Variants in HDAC8 observed in about 807,000 individuals in gnomAD.
HDAC8 encodes histone deacetylase-like 1.
HDAC8 carries 1 observed loss-of-function variant against 32.2 expected under a neutral mutation model. The ratio of observed to expected loss-of-function variants is 0.03; its 90% CI spans 0.01 to 0.15. The LOEUF is 0.15. HDAC8 is among the 10% of genes least tolerant of loss of function. The pLI is 1.00. For missense variants in HDAC8, 117 were observed against 300.0 expected, an observed-to-expected ratio of 0.39 and a Z score of 4.51; for synonymous variants, 108 against 113.9, an observed-to-expected ratio of 0.95 and a Z score of 0.33.
At chrX:72,425,213 T>C (rs1218132873) in intron 9 of HDAC8, among the ~76,000 whole-genome samples, 1 of 112,368 alleles carries the variant, frequency 8.9e-6, no homozygotes, top group Non-Finnish European at 1.9e-5. Flanking sequence ...CAACACTTTT[T>C]ATTTTCCATT....
intron 10 of HDAC8, among the ~76,000 whole-genome samples, chrX:72,337,599 C>G (rs2043740045): frequency 1.8e-5 from 2 of 111,136 alleles, no homozygotes; most frequent in Non-Finnish European, 1.9e-5. Context: ...CCAAACTATT[C>G]TTACCCTTTA....
intron 9 of HDAC8, among the ~76,000 whole-genome samples, chrX:72,355,871 A>G (rs1351271807): frequency 8.9e-6 from 1 of 112,379 alleles, no homozygotes. Flanking sequence ...TTTAGTAAGT[A>G]TCTACTATGT....
At chrX:72,375,509 A>C (rs782114650) in intron 9 of HDAC8, among the ~76,000 whole-genome samples, 3 of 109,317 alleles carry the variant, frequency 2.7e-5, no homozygotes, top group South Asian at 4.1e-4. Flanking sequence ...TGATGGTGTA[A>C]ATCTCAGTCC....
intron 9 of HDAC8, among the ~76,000 whole-genome samples, chrX:72,449,668 G>A (rs182381799): frequency 5.4e-5 from 6 of 110,305 alleles, no homozygotes; most frequent in African/African-American, 1.6e-4. Context: ...AAAGTAAATC[G>A]CCTAAACACA....
chrX:72,390,154 TTCA>T (rs781932576), intron 9 of HDAC8, among the ~76,000 whole-genome samples: 93 of 111,613 alleles, frequency 8.3e-4, no homozygotes, highest in Non-Finnish European at 1.6e-3. Context: ...ACCTCAAACA[TTCA>T]TCATGTCTTT....
At chrX:72,472,075 T>A (rs1407910302) in intron 7 of HDAC8, among the ~76,000 whole-genome samples, 1 of 107,102 alleles carries the variant, frequency 9.3e-6, no homozygotes, top group Non-Finnish European at 2.0e-5. Context: ...TTTATTTATT[T>A]TTTTTTTTTT....
Position 72,527,647 on chromosome X carries a change from G to A in HDAC8, c.438-32379C>T, listed in dbSNP as rs147505585. On this transcript the variant is annotated intron_variant, in intron 4 of 10. Transcript: ENST00000373573. ...CTGATCTATTTGCCTGGCATACTCT[G>A]TCTGGTAATATCCTAGGTCACTATT... 3.7e-4 allele frequency among the ~76,000 whole-genome samples: 41 copies of A among 111,121 alleles called. No homozygotes were observed. In the East Asian group the frequency reaches 7.6e-3, roughly 21 times the overall value.
At chrX:72,330,802 C>T (rs2043496092) in intron 10 of HDAC8, 1 of 111,189 alleles carries the variant, frequency 9.0e-6, no homozygotes, top group African/African-American at 3.3e-5. Flanking sequence ...GAGGGCAGGG[C>T]CTGGCTGTCT....
intron 4 of HDAC8, among the ~76,000 whole-genome samples, chrX:72,525,813 CA>C (rs57801277): frequency 9.3e-5 from 2 of 21,555 alleles, no homozygotes; most frequent in African/African-American, 1.5e-4. Context: ...GACTCTGTCT[CA>C]AAAAAAAAAA....
intron 7 of HDAC8, among the ~76,000 whole-genome samples, chrX:72,470,322 T>A (rs1352801139): frequency 9.0e-6 from 1 of 111,593 alleles, no homozygotes; most frequent in Non-Finnish European, 1.9e-5. Context: ...AGATCAAACT[T>A]TTTCTGTCTC....
intron 4 of HDAC8, among the ~76,000 whole-genome samples, chrX:72,524,136 A>C (rs1228538335): frequency 1.8e-5 from 2 of 112,484 alleles, no homozygotes; most frequent in Non-Finnish European, 3.8e-5. Context: ...GTGAAGTCTA[A>C]AATACTAGCT....
chrX:72,437,349 C>T (rs2046981484), intron 9 of HDAC8, among the ~76,000 whole-genome samples: 1 of 111,968 alleles, frequency 8.9e-6, no homozygotes, highest in South Asian at 3.8e-4. Context: ...ACCCACAGAC[C>T]AGGAGATTCC....
intron 5 of HDAC8, among the ~76,000 whole-genome samples, chrX:72,494,354 G>A (rs1439337724): frequency 9.2e-6 from 1 of 108,649 alleles, no homozygotes; most frequent in Non-Finnish European, 1.9e-5. Flanking sequence ...CCTTGATTAT[G>A]TTAGTTTGTC....
chrX:72,363,599 T>C (rs1191528524), intron 9 of HDAC8, among the ~76,000 whole-genome samples: 1 of 109,861 alleles, frequency 9.1e-6, no homozygotes, highest in Non-Finnish European at 1.9e-5. Context: ...TGAGATGGAG[T>C]CTTACTCTGT....
intron 4 of HDAC8, among the ~76,000 whole-genome samples, chrX:72,565,053 T>C (rs1314889102): frequency 1.8e-5 from 2 of 112,178 alleles, no homozygotes; most frequent in African/African-American, 6.5e-5. Context: ...AAAGGGGTTG[T>C]ATTAATTTCA....
At chrX:72,374,191 G>A (rs1160495360) in intron 9 of HDAC8, among the ~76,000 whole-genome samples, 5 of 111,237 alleles carry the variant, frequency 4.5e-5, no homozygotes, top group Non-Finnish European at 9.4e-5. Context: ...AACTACAGGT[G>A]CACACCAACA....
intron 9 of HDAC8, among the ~76,000 whole-genome samples, chrX:72,376,665 C>T (rs958749610): frequency 9.0e-6 from 1 of 111,532 alleles, no homozygotes; most frequent in African/African-American, 3.3e-5. Context: ...GTGATCCACC[C>T]GCCTTGGCCT....
chrX:72,515,043 C>G (rs2049743659), intron 4 of HDAC8, among the ~76,000 whole-genome samples: 1 of 111,323 alleles, frequency 9.0e-6, no homozygotes, highest in Non-Finnish European at 1.9e-5. Context: ...AGATAGTTAC[C>G]ACTTTTTGTG....
At chrX:72,333,795 C>T (rs2043603480) in intron 10 of HDAC8, among the ~76,000 whole-genome samples, 1 of 111,323 alleles carries the variant, frequency 9.0e-6, no homozygotes, top group African/African-American at 3.3e-5. Flanking sequence ...TTCCTGTTTC[C>T]ACACCTTCGC....
Sources: allele counts gnomAD v4.1 joint callset (sites outside exome capture counted in the v4.1 genomes callset), GRCh38; gene constraint gnomAD v4.1.1; transcripts MANE v1.5; gene names NCBI Gene and HGNC (gene_info 2026-07-23, HGNC 2026-07-21).